The following KCNH5 variants were observed in gnomAD, a reference collection of about 807,000 sequenced individuals.
KCNH5 encodes voltage-gated delayed rectifier potassium channel KCNH5.
KCNH5 carries 46 observed loss-of-function variants against 96.1 expected under a neutral mutation model. The ratio of observed to expected loss-of-function variants is 0.48; its 90% CI spans 0.38 to 0.61. The LOEUF (loss-of-function observed/expected upper bound fraction) is 0.61, where lower values mean the gene tolerates loss of function less well. KCNH5 is among the 20% of genes least tolerant of loss of function. The pLI is 0.00. For synonymous variants in KCNH5, 439 were observed against 449.8 expected, an observed-to-expected ratio of 0.98 and a Z score of 0.30; for missense variants, 907 against 1,225.8, an observed-to-expected ratio of 0.74 and a Z score of 3.88.
At chr14:62,784,198 G>A (rs1448142086) in intron 9 of KCNH5, among the ~76,000 whole-genome samples, 2 of 152,076 alleles carry the variant, frequency 1.3e-5, no homozygotes, top group Non-Finnish European at 2.9e-5. Context: ...CTTGTACAGG[G>A]GAACTCCCAT....
At chr14:62,836,963 T>A (rs1326471945) in intron 8 of KCNH5, among the ~76,000 whole-genome samples, 1 of 152,176 alleles carries the variant, frequency 6.6e-6, no homozygotes, top group African/African-American at 2.4e-5. Flanking sequence ...AGGTGTATAA[T>A]CTTGGATAAT....
chr14:62,878,498 C>A (rs114960990), intron 7 of KCNH5, among the ~76,000 whole-genome samples: 3,673 of 152,056 alleles, frequency 0.024, 55 homozygotes, highest in Middle Eastern at 0.041. Context: ...TTCTCCACTT[C>A]CAAATATCAT....
chr14:62,896,363 C>T (rs542791964), intron 7 of KCNH5, among the ~76,000 whole-genome samples: 2 of 152,104 alleles, frequency 1.3e-5, no homozygotes, highest in Non-Finnish European at 2.9e-5. Context: ...GATGAAAATG[C>T]TTTAGGATTG....
intron 10 of KCNH5, among the ~76,000 whole-genome samples, chr14:62,709,981 C>T (rs187246422): frequency 2.2e-4 from 34 of 152,292 alleles, no homozygotes; most frequent in African/African-American, 8.2e-4. Context: ...ATGTGAAGCA[C>T]GTGTTCTCTA....
At chr14:62,946,220 A>ATTCTGTTTTTCT (rs1889884345) in intron 7 of KCNH5, among the ~76,000 whole-genome samples, 1 of 152,154 alleles carries the variant, frequency 6.6e-6, no homozygotes, top group Non-Finnish European at 1.5e-5. Flanking sequence ...GTAACATAGA[A>ATTCTGTTTTTCT]AAACAGAAAT....
At position 62,711,867 on chromosome 14, in the gene KCNH5, A is replaced by C. The variant is rs576740196; in HGVS notation, c.2020-3412T>G. Among the ~76,000 whole-genome samples, 74 of 152,304 alleles carry C rather than the reference A, an allele frequency of 4.9e-4. 3 individuals are homozygous for C. The South Asian group carries it at 0.014, about 29-fold the overall frequency. On this transcript the variant is annotated intron_variant, in intron 10 of 10. Coordinates refer to ENST00000322893, the MANE Select transcript of KCNH5 (RefSeq NM_139318.5). ...CCCTGTAGGTGATCTGCCACCAGGG[A>C]CTTTCAGGCCATCAATTATGCCACA...
At chr14:62,888,384 T>C (rs1184525785) in intron 7 of KCNH5, among the ~76,000 whole-genome samples, 1 of 152,174 alleles carries the variant, frequency 6.6e-6, no homozygotes, top group East Asian at 1.9e-4. Context: ...ATAGATGAAA[T>C]TTAACTTTGT....
At chr14:62,787,720 T>C (rs1886347343) in intron 9 of KCNH5, among the ~76,000 whole-genome samples, 1 of 152,276 alleles carries the variant, frequency 6.6e-6, no homozygotes, top group African/African-American at 2.4e-5. Context: ...ATTCCCAAAG[T>C]CCTAGAATCT....
chr14:62,847,840 T>C lies in KCNH5; in HGVS notation c.1569+1813A>G, dbSNP rs539277857. On this transcript the variant is annotated intron_variant, in intron 8 of 10. Coordinates refer to ENST00000322893, the MANE Select transcript of KCNH5 (RefSeq NM_139318.5). ...ATTATTTAAGGCAGTCCATGGTAGG[T>C]ACCCAGAAATTTTTCCCTGCCACAT... Among the ~76,000 whole-genome samples the C allele has an allele frequency of 1.9e-4, 29 of 152,316 alleles. 1 individual carries two copies. In the South Asian group the frequency reaches 6.0e-3, roughly 32 times the overall value.
chr14:62,931,408 A>G (rs1200947453), intron 7 of KCNH5, among the ~76,000 whole-genome samples: 1 of 152,146 alleles, frequency 6.6e-6, no homozygotes, highest in Non-Finnish European at 1.5e-5. Flanking sequence ...TCAGCCAGAG[A>G]TAGAGGGTTG....
chr14:62,778,082 G>T (rs1268175386), intron 10 of KCNH5, among the ~76,000 whole-genome samples: 1 of 152,150 alleles, frequency 6.6e-6, no homozygotes, highest in Non-Finnish European at 1.5e-5. Context: ...GGAATGTACG[G>T]ATGTTGGATA....
chr14:62,756,705 C>CA (rs1885631374), intron 10 of KCNH5, among the ~76,000 whole-genome samples: 1 of 152,140 alleles, frequency 6.6e-6, no homozygotes, highest in Admixed American at 6.5e-5. Context: ...GAGGAAAAGA[C>CA]AGTCTCTTCA....
intron 1 of KCNH5, among the ~76,000 whole-genome samples, chr14:63,033,900 T>C (rs1891675312): frequency 6.6e-6 from 1 of 152,062 alleles, no homozygotes; most frequent in Admixed American, 6.6e-5. Flanking sequence ...ATTTAAATCA[T>C]GCAGTCTGTA....
rs375232419 is a variant in KCNH5, at chr14:62,925,538, T to C, written c.1369+24595A>G. 3.9e-4 allele frequency among the ~76,000 whole-genome samples: 59 copies of C among 152,220 alleles called. 3 individuals carry two copies. The South Asian group carries it at 7.7e-3, about 20-fold the overall frequency. ...CTAAAATATACTTACATATGTTATA[T>C]AGGTATACAGATTTTGATACATACT... On this transcript the variant is annotated intron_variant, in intron 7 of 10. Transcript: ENST00000322893.
intron 7 of KCNH5, among the ~76,000 whole-genome samples, chr14:62,897,357 T>G (rs1303807507): frequency 6.6e-6 from 1 of 152,206 alleles, no homozygotes; most frequent in African/African-American, 2.4e-5. Context: ...CAGGTTTATT[T>G]TCAAGCTATT....
At chr14:62,755,365 C>A (rs1266829062) in intron 10 of KCNH5, among the ~76,000 whole-genome samples, 1 of 152,050 alleles carries the variant, frequency 6.6e-6, no homozygotes, top group Non-Finnish European at 1.5e-5. Flanking sequence ...ACACATACGA[C>A]CTGCAAATAC....
At chr14:62,935,774 CAAAAT>C (rs1889668283) in intron 7 of KCNH5, among the ~76,000 whole-genome samples, 1 of 152,136 alleles carries the variant, frequency 6.6e-6, no homozygotes, top group African/African-American at 2.4e-5. Context: ...CTTTAGAGGA[CAAAAT>C]GGCAGCTTCA....
intron 7 of KCNH5, among the ~76,000 whole-genome samples, chr14:62,918,925 T>G (rs1889328332): frequency 6.6e-6 from 1 of 152,130 alleles, no homozygotes; most frequent in South Asian, 2.1e-4. Flanking sequence ...CATATTATTT[T>G]TAATATTAAT....
Position 63,038,172 on chromosome 14 carries a change from T to C in KCNH5, c.73+6942A>G, listed in dbSNP as rs528436120. Among the ~76,000 whole-genome samples, 90 of 152,330 alleles carry C rather than the reference T, an allele frequency of 5.9e-4. 1 individual carries two copies. In the South Asian group the frequency reaches 0.016, roughly 27 times the overall value. On this transcript the variant is annotated intron_variant, in intron 1 of 10. Coordinates refer to ENST00000322893, the MANE Select transcript of KCNH5 (RefSeq NM_139318.5). ...TAATTACTTATTCAAGCTCACTTAA[T>C]AGATTTAATCAGCATTGGCTTGGGG...
Sources: gnomAD v4.1 joint callset for allele counts (sites outside exome capture counted in the v4.1 genomes callset) on GRCh38, gnomAD v4.1.1 for gene constraint, MANE v1.5 for transcripts, NCBI Gene and HGNC (gene_info 2026-07-23, HGNC 2026-07-21) for gene names.